Variants in ZNF737 observed in about 807,000 individuals in gnomAD.
ZNF737 encodes the protein zinc finger protein 737.
A neutral mutation model predicts 11.7 loss-of-function variants in ZNF737; 13 were observed. That is an observed-to-expected ratio of 1.11 (90% confidence interval 0.73 to 1.77). The LOEUF (loss-of-function observed/expected upper bound fraction) is 1.77, where lower values mean the gene tolerates loss of function less well. Ranked by LOEUF, ZNF737 falls within the 40% of genes most tolerant of loss-of-function variation. The pLI is 0.00. For missense variants in ZNF737, 636 were observed against 638.0 expected (o/e 1.00, Z 0.03); for synonymous variants, 217 against 216.2 (o/e 1.00, Z -0.03).
intron 1 of ZNF737, among the ~76,000 whole-genome samples, chr19:20,559,990 C>A (rs1220959663): frequency 6.6e-6 from 1 of 151,298 alleles, no homozygotes; most frequent in African/African-American, 2.4e-5. Flanking sequence ...CAAGGTGAAA[C>A]CCCGTCTCTA....
intron 1 of ZNF737, among the ~76,000 whole-genome samples, chr19:20,561,643 T>A (rs1390227210): frequency 6.6e-6 from 1 of 151,854 alleles, no homozygotes; most frequent in African/African-American, 2.4e-5. Flanking sequence ...CTGTAGAGTT[T>A]GCTGAACATT....
At position 20,553,780 on chromosome 19, in the gene ZNF737, C is replaced by A. The variant is rs782698460; in HGVS notation, c.59G>T (p.Cys20Phe). 53 of 1,613,898 alleles carry A rather than the reference C, an allele frequency of 3.3e-5. No individual in the cohort carries two copies. Among genetic ancestry groups the A allele is most frequent in the Non-Finnish European group, 4.1e-5 (48 of 1,179,960 alleles). The stretch of plus-strand genomic sequence containing the variant: ...TAAATTCCGCTGTGCAGTGTCCAGG[C>A]AATGCCACTCCTCCAGAGAGAATTC... Reference protein sequence around the residue: ...AIEFSLEEWHCLDTAQRNLYR... With the variant: ...AIEFSLEEWHFLDTAQRNLYR... Residue 20 changes from cysteine (C) to phenylalanine (F), a missense_variant, in exon 2 of 4, where the codon TGC becomes TTC. Coordinates refer to ENST00000427401, the MANE Select transcript of ZNF737 (RefSeq NM_001159293.2).
chr19:20,530,550 A>T, the ZNF737 span, among the ~76,000 whole-genome samples: 1 of 134,610 alleles, frequency 7.4e-6, no homozygotes, highest in East Asian at 2.4e-4. Flanking sequence ...CACTTCTCAG[A>T]TGGGGCGGCC....
rs1032359723 is a variant in ZNF737 at position 20,548,050 on chromosome 19, G to A, written c.227-2074C>T. On this transcript the variant is annotated intron_variant, in intron 3 of 3. Transcript: ENST00000427401. Reference sequence around the variant, plus strand: ...CCAGCTACTTGGGAGGCTGAGACAGGAGAATTGCTTAAACCCAGAAGGCAG... The same window carrying A: ...CCAGCTACTTGGGAGGCTGAGACAGAAGAATTGCTTAAACCCAGAAGGCAG... 1.3e-5 allele frequency among the ~76,000 whole-genome samples: 2 copies of A among 152,076 alleles called. 1 individual carries two copies. The highest frequency in any genetic ancestry group is 2.9e-5 in the Non-Finnish European group (2 of 68,012).
Position 20,545,535 on chromosome 19 carries a change from T to C in ZNF737, c.668A>G (p.His223Arg), listed in dbSNP as rs1968418779. The change falls in exon 4 of 4, where the codon CAT (histidine) becomes CGT (arginine). Residue 223 changes from histidine (H) to arginine (R), a missense_variant. Physicochemically the swap from His to Arg is conservative, Grantham distance 29. Transcript: ENST00000427401. Reference protein sequence around the residue: ...SSHLTTHKRIHTGEKRYKCED... With the variant: ...SSHLTTHKRIRTGEKRYKCED... The stretch of plus-strand genomic sequence containing the variant: ...ACATTTGTACCGTTTCTCTCCAGTA[T>C]GAATTCTCTTATGTGTAGTAAGGTG... The C allele has an allele frequency of 6.2e-7, 1 of 1,613,610 alleles. No individual in the cohort carries two copies. The highest frequency in any genetic ancestry group is 1.3e-5 in the African/African-American group (1 of 74,898).
intron 3 of ZNF737, among the ~76,000 whole-genome samples, chr19:20,548,305 C>G (rs1968531063): frequency 6.6e-6 from 1 of 152,120 alleles, no homozygotes; most frequent in African/African-American, 2.4e-5. Context: ...GTAACATATA[C>G]ATATGATGAA....
Position 20,541,510 on chromosome 19 carries a change from G to C in ZNF737, c.*3082C>G. Reference sequence around the variant, plus strand: ...CAGCCAGGCTGGAGTGCAGTGGCATGATCTCAGCTCACTGCAACCTCTGCC... The same window carrying C: ...CAGCCAGGCTGGAGTGCAGTGGCATCATCTCAGCTCACTGCAACCTCTGCC... On this transcript the variant is annotated 3_prime_UTR_variant, in exon 4 of 4. Transcript: ENST00000427401. 1.6e-6 allele frequency: 1 copy of C among 633,922 alleles called. No individual in the cohort carries two copies. The highest frequency in any genetic ancestry group is 2.0e-6 in the Non-Finnish European group (1 of 509,600). The allele number at this position is 633,922 out of a possible 1,614,324, so 39.3% of individuals were successfully genotyped here. A position where few individuals can be genotyped will look rare whatever the true frequency, so the allele number is the denominator to read the frequency against.
At chr19:20,535,481 ATTATG>A (rs1204363265), downstream of ZNF737, among the ~76,000 whole-genome samples, 7 of 151,966 alleles carry the variant, frequency 4.6e-5, no homozygotes, top group Non-Finnish European at 5.9e-5. Flanking sequence ...CCTGAAAGAT[ATTATG>A]TTAAGTAAAA....
intron 3 of ZNF737, 53 bp from the exon 4 acceptor site, chr19:20,546,029 T>C: frequency 6.6e-7 from 1 of 1,509,456 alleles, no homozygotes; most frequent in Non-Finnish European, 8.8e-7. Context: ...CAGATAAATA[T>C]ACTTTACAGA....
intron 1 of ZNF737, among the ~76,000 whole-genome samples, chr19:20,561,259 G>A (rs1969082487): frequency 6.6e-6 from 1 of 152,152 alleles, no homozygotes; most frequent in Admixed American, 6.6e-5. Context: ...TTTAGTGTCT[G>A]GGGGTGGGGA....
chr19:20,538,853 C>T lies in ZNF737; in HGVS notation c.*5739G>A. 1 of 985,192 alleles carries T rather than the reference C, an allele frequency of 1.0e-6. No homozygotes were observed. The highest frequency in any genetic ancestry group is 1.2e-6 in the Non-Finnish European group (1 of 829,764). 61.0% of individuals were successfully genotyped at this position (985,192 alleles called of 1,614,324 possible). On this transcript the variant is annotated 3_prime_UTR_variant, in exon 4 of 4. Coordinates refer to ENST00000427401, the MANE Select transcript of ZNF737 (RefSeq NM_001159293.2). ...TTAGCAACTAATGGCATCTGTTACC[C>T]ATTAATTTTATACATTTGCTTTTTT...
At chr19:20,546,122 A>G (rs1297474880) in intron 3 of ZNF737, 146 bp from the exon 4 acceptor site, 3 of 1,142,650 alleles carry the variant, frequency 2.6e-6, no homozygotes, top group East Asian at 2.5e-5. Context: ...CTGGATACAT[A>G]AATGTAACAA....
chr19:20,558,280 C>CA (rs35879543), intron 1 of ZNF737, among the ~76,000 whole-genome samples: 109,683 of 142,568 alleles, frequency 0.77, 42,061 homozygotes, highest in African/African-American at 0.82. Context: ...GACTCCGTCT[C>CA]AAAAAAAAAA....
chr19:20,545,033 A>G lies in ZNF737; in HGVS notation c.1170T>C (p.Ile390=). 1 of 1,613,742 alleles carries G rather than the reference A, an allele frequency of 6.2e-7. No individual in the cohort carries two copies. The highest frequency in any genetic ancestry group is 8.5e-7 in the Non-Finnish European group (1 of 1,179,950). ...ATTTGTAGGGTTTCTCTCCAGTATG[A>G]ATTCTCTTATGTGTAGTAAGGTGTG... The part of the protein sequence containing the change: ...WSSHLTTHKR[I]HTGEKPYKCE... The change falls in exon 4 of 4, where the codon ATT becomes ATC. Residue 390 remains isoleucine (I), a synonymous_variant. Transcript: ENST00000427401.
downstream of ZNF737, chr19:20,536,252 C>G (rs1477603917): frequency 3.4e-6 from 1 of 294,326 alleles, no homozygotes; most frequent in African/African-American, 2.3e-5. Flanking sequence ...CAAAAGCTAG[C>G]AAAAGCACAG....
At position 20,544,518 on chromosome 19, in the gene ZNF737, T is replaced by C. The variant is rs560944492; in HGVS notation, c.*74A>G. ...CCACATTTATCACACTTGTACAGTT[T>C]CCCTCCAATATGAATTTTCTTATGT... On this transcript the variant is annotated 3_prime_UTR_variant, in exon 4 of 4. Coordinates refer to ENST00000427401, the MANE Select transcript of ZNF737 (RefSeq NM_001159293.2). 9.1e-6 allele frequency: 14 copies of C among 1,543,842 alleles called. No homozygotes were observed. The highest frequency in any genetic ancestry group is 8.7e-7 in the Non-Finnish European group (1 of 1,151,392).
chr19:20,533,894 CTGAT>C (rs1229664159), downstream of ZNF737, among the ~76,000 whole-genome samples: 7 of 150,272 alleles, frequency 4.7e-5, 1 homozygote, highest in East Asian at 1.2e-3. Context: ...AGCTAATTCA[CTGAT>C]TGAAATCACC....
rs1968250644 is a variant in ZNF737, at chr19:20,542,451, C to T, written c.*2141G>A. The T allele has an allele frequency of 2.1e-5, 13 of 606,330 alleles. No individual in the cohort carries two copies. Among genetic ancestry groups the T allele is most frequent in the Non-Finnish European group, 2.7e-5 (13 of 484,232 alleles). The allele number at this position is 606,330 out of a possible 1,614,324, so 37.6% of individuals were successfully genotyped here. ...TTCTCCATGTTGGTCAGGCTGGTCT[C>T]GAACTCCTGACCTCAGGTGATCTGC... is the stretch of plus-strand genomic sequence containing the variant. On this transcript the variant is annotated 3_prime_UTR_variant, in exon 4 of 4. Coordinates refer to ENST00000427401, the MANE Select transcript of ZNF737 (RefSeq NM_001159293.2).
chr19:20,541,072 G>C lies in ZNF737; in HGVS notation c.*3520C>G. ...AGACAAAGTTGCCTGTGCTTTAATA[G>C]GCAGACTCTGGGGAGAATCCGAATC... On this transcript the variant is annotated 3_prime_UTR_variant, in exon 4 of 4. Coordinates refer to ENST00000427401, the MANE Select transcript of ZNF737 (RefSeq NM_001159293.2). 1 of 985,176 alleles carries C rather than the reference G, an allele frequency of 1.0e-6. No individual in the cohort carries two copies. The highest frequency in any genetic ancestry group is 1.7e-5 in the African/African-American group (1 of 57,296). The allele number at this position is 985,176 out of a possible 1,614,324, so 61.0% of individuals were successfully genotyped here. A position where few individuals can be genotyped will look rare whatever the true frequency, so the allele number is the denominator to read the frequency against.
Sources: allele counts gnomAD v4.1 joint callset (sites outside exome capture counted in the v4.1 genomes callset), GRCh38; gene constraint gnomAD v4.1.1; transcripts MANE v1.5; gene names NCBI Gene and HGNC (gene_info 2026-07-23, HGNC 2026-07-21).